BACH2: variants seen among roughly 807,000 people sequenced by gnomAD.
BACH2 encodes BACH transcriptional regulator 2, also known as transcription regulator protein BACH2.
In BACH2, 5 loss-of-function variants were observed where a neutral mutation model predicts 61.8. The observed-to-expected ratio is 0.08, with a 90% CI of 0.04 to 0.17. The LOEUF (loss-of-function observed/expected upper bound fraction) is 0.17, where lower values mean the gene tolerates loss of function less well. Ranked by LOEUF, BACH2 falls within the 10% of genes least tolerant of loss-of-function variation. The probability of loss-of-function intolerance (pLI) is 1.00; values close to 1 mark genes in which losing one functional copy is unlikely to be tolerated. For missense variants in BACH2, 824 were observed against 1,091.1 expected, an observed-to-expected ratio of 0.76 and a Z score of 3.45; for synonymous variants, 446 against 440.1, an observed-to-expected ratio of 1.01 and a Z score of -0.17.
chr6:89,981,062 C>T (rs1355192657), intron 6 of BACH2, among the ~76,000 whole-genome samples: 1 of 151,468 alleles, frequency 6.6e-6, no homozygotes, highest in African/African-American at 2.4e-5. Context: ...AAAATATAAC[C>T]CAAATGCAAG....
intron 4 of BACH2, among the ~76,000 whole-genome samples, chr6:90,102,345 G>A (rs187087711): frequency 6.6e-6 from 1 of 152,164 alleles, no homozygotes; most frequent in East Asian, 1.9e-4. Flanking sequence ...AAGAGGTCAG[G>A]TTTCCAGCCT....
At chr6:90,021,227 A>G (rs1236933280) in intron 5 of BACH2, among the ~76,000 whole-genome samples, 1 of 151,760 alleles carries the variant, frequency 6.6e-6, no homozygotes, top group Non-Finnish European at 1.5e-5. Flanking sequence ...TTGACTCTTC[A>G]TTCATTATCG....
At chr6:90,006,865 G>A (rs887406497) in intron 6 of BACH2, among the ~76,000 whole-genome samples, 2 of 151,966 alleles carry the variant, frequency 1.3e-5, no homozygotes, top group East Asian at 1.9e-4. Flanking sequence ...TGGTCTTCCC[G>A]CTTTGGCCTC....
intron 4 of BACH2, among the ~76,000 whole-genome samples, chr6:90,121,634 C>G (rs1328041231): frequency 6.6e-6 from 1 of 152,152 alleles, no homozygotes; most frequent in African/African-American, 2.4e-5. Flanking sequence ...CCTCCACCTT[C>G]CGGGCTCAAG....
At chr6:90,182,641 G>A (rs1056864144) in intron 4 of BACH2, among the ~76,000 whole-genome samples, 1 of 152,188 alleles carries the variant, frequency 6.6e-6, no homozygotes, top group African/African-American at 2.4e-5. Context: ...CCATGAAACT[G>A]TGAGATTGAG....
intron 1 of BACH2, among the ~76,000 whole-genome samples, chr6:90,296,175 T>A (rs1772371579): frequency 6.6e-6 from 1 of 151,982 alleles, no homozygotes; most frequent in East Asian, 1.9e-4. Flanking sequence ...CCTCTGCTGT[T>A]CCAAAACACC....
At chr6:90,028,997 C>T (rs141932972) in intron 5 of BACH2, among the ~76,000 whole-genome samples, 52 of 152,308 alleles carry the variant, frequency 3.4e-4, no homozygotes, top group African/African-American at 1.0e-3. Flanking sequence ...AAATTAGCTC[C>T]TCTTTTCCAA....
chr6:90,143,916 C>T (rs1407635620), intron 4 of BACH2, among the ~76,000 whole-genome samples: 1 of 151,990 alleles, frequency 6.6e-6, no homozygotes, highest in Non-Finnish European at 1.5e-5. Flanking sequence ...TGGAGATCTG[C>T]TATGACATTA....
At chr6:89,959,220 C>T (rs1284019531) in intron 6 of BACH2, among the ~76,000 whole-genome samples, 2 of 151,800 alleles carry the variant, frequency 1.3e-5, no homozygotes, top group African/African-American at 4.8e-5. Context: ...GGGTGGAGGT[C>T]AAACAGTAGA....
chr6:89,961,872 G>A (rs1285086933), intron 6 of BACH2, among the ~76,000 whole-genome samples: 1 of 152,152 alleles, frequency 6.6e-6, no homozygotes, highest in South Asian at 2.1e-4. Context: ...GAAATGCTCA[G>A]ATTTCACTGT....
intron 2 of BACH2, among the ~76,000 whole-genome samples, chr6:90,257,158 G>A (rs559178050): frequency 6.6e-6 from 1 of 152,252 alleles, no homozygotes; most frequent in African/African-American, 2.4e-5. Context: ...CCATATCTTA[G>A]TTATTGTGAA....
rs1335201162 is a variant in BACH2, at chr6:89,928,686, C to T, written c.*3722G>A. ...GAAAAGCAATGTAAGGATTACATCC[C>T]GAATTATAGTGCATCTTAAAAGCAG... On this transcript the variant is annotated 3_prime_UTR_variant, in exon 9 of 9. Transcript: ENST00000257749. 2 of 152,576 alleles carry T rather than the reference C, an allele frequency of 1.3e-5. No homozygotes were observed. The highest frequency in any genetic ancestry group is 4.8e-5 in the African/African-American group (2 of 41,376). The allele number at this position is 152,576 out of a possible 1,614,324, so 9.5% of individuals were successfully genotyped here.
chr6:90,267,692 T>C (rs1159881660), intron 2 of BACH2, among the ~76,000 whole-genome samples: 2 of 152,156 alleles, frequency 1.3e-5, no homozygotes, highest in Admixed American at 6.5e-5. Flanking sequence ...CCATAGGATA[T>C]TATGCAACTG....
At chr6:90,217,208 T>C (rs1047596019) in intron 3 of BACH2, among the ~76,000 whole-genome samples, 1 of 152,214 alleles carries the variant, frequency 6.6e-6, no homozygotes, top group African/African-American at 2.4e-5. Flanking sequence ...GTGCCTTGTT[T>C]ACTCCAGGTC....
intron 3 of BACH2, among the ~76,000 whole-genome samples, chr6:90,245,408 TAGAG>T (rs1770599275): frequency 1.3e-5 from 2 of 152,004 alleles, no homozygotes; most frequent in South Asian, 2.1e-4. Context: ...CAGGGCAACA[TAGAG>T]AGACTCTGTT....
rs1582312104 is a variant in BACH2 at position 90,072,992 on chromosome 6, T to C, written c.-13+15969A>G. On this transcript the variant is annotated intron_variant, in intron 5 of 8. Coordinates refer to ENST00000257749, the MANE Select transcript of BACH2 (RefSeq NM_021813.4). The stretch of plus-strand genomic sequence containing the variant: ...AGCTTATAAAAATGTTTCTGAGCTT[T>C]TCCCTGGCTCATTTACAACGATGAG... 1.3e-5 allele frequency among the ~76,000 whole-genome samples: 2 copies of C among 152,346 alleles called. 1 individual carries two copies. Among genetic ancestry groups the C allele is most frequent in the South Asian group, 4.1e-4 (2 of 4,828 alleles).
chr6:89,969,640 C>A (rs1178630118), intron 6 of BACH2, among the ~76,000 whole-genome samples: 1 of 152,172 alleles, frequency 6.6e-6, no homozygotes, highest in Admixed American at 6.5e-5. Flanking sequence ...CTGCCATATG[C>A]ACCTGGGATT....
chr6:89,974,556 C>T (rs1261758186), intron 6 of BACH2, among the ~76,000 whole-genome samples: 1 of 152,192 alleles, frequency 6.6e-6, no homozygotes, highest in Non-Finnish European at 1.5e-5. Context: ...CTCACACGTT[C>T]CATGCATCAT....
intron 3 of BACH2, among the ~76,000 whole-genome samples, chr6:90,214,351 G>T (rs896425036): frequency 1.3e-5 from 2 of 150,988 alleles, no homozygotes; most frequent in Non-Finnish European, 3.0e-5. Flanking sequence ...CTCTCCCTTG[G>T]CGGGGCGGGG....
Sources: allele counts gnomAD v4.1 joint callset (sites outside exome capture counted in the v4.1 genomes callset), GRCh38; gene constraint gnomAD v4.1.1; transcripts MANE v1.5; gene names NCBI Gene and HGNC (gene_info 2026-07-23, HGNC 2026-07-21).